Variants in SHISA9 observed in about 807,000 individuals in gnomAD.
SHISA9 encodes shisa family member 9.
A neutral mutation model predicts 38.0 loss-of-function variants in SHISA9; 13 were observed. The ratio of observed to expected loss-of-function variants is 0.34; its 90% CI spans 0.22 to 0.54. The LOEUF is 0.54. Among genes scored for constraint, SHISA9 ranks in the 20% least tolerant of loss-of-function variants. The pLI, the probability that SHISA9 is intolerant of heterozygous loss-of-function variation, is 0.91. For missense variants in SHISA9, 538 were observed against 575.8 expected (o/e 0.93, Z 0.67); for synonymous variants, 275 against 242.0 (o/e 1.14, Z -1.27).
intron 2 of SHISA9, among the ~76,000 whole-genome samples, chr16:13,041,218 A>G (rs760674420): frequency 1.1e-4 from 17 of 152,156 alleles, no homozygotes; most frequent in Non-Finnish European, 2.4e-4. Context: ...GGCCCCCACA[A>G]ATAAATTTTG....
At chr16:13,496,611 C>T in the SHISA9 span, among the ~76,000 whole-genome samples, 8 of 151,678 alleles carry the variant, frequency 5.3e-5, no homozygotes, top group African/African-American at 1.7e-4. Flanking sequence ...CCATAAGATA[C>T]GATTGCTTAC....
chr16:13,261,645 C>T, the SHISA9 span, among the ~76,000 whole-genome samples: 1 of 152,182 alleles, frequency 6.6e-6, no homozygotes, highest in Admixed American at 6.5e-5. Flanking sequence ...AATCCAGACC[C>T]ACTGTTTACA....
At chr16:13,265,096 C>A in the SHISA9 span, among the ~76,000 whole-genome samples, 1 of 110,772 alleles carries the variant, frequency 9.0e-6, no homozygotes, top group Non-Finnish European at 1.9e-5. Flanking sequence ...TTTCCCCTCT[C>A]CTCCCTTCCC....
intron 2 of SHISA9, among the ~76,000 whole-genome samples, chr16:12,920,531 G>A (rs2071314453): frequency 6.6e-6 from 1 of 152,170 alleles, no homozygotes; most frequent in Non-Finnish European, 1.5e-5. Flanking sequence ...AAGGATAGAT[G>A]CTTGAGGGGA....
the SHISA9 span, among the ~76,000 whole-genome samples, chr16:13,343,067 T>G: frequency 2.6e-5 from 4 of 152,250 alleles, no homozygotes; most frequent in East Asian, 1.9e-4. Flanking sequence ...AAGCACTCAA[T>G]GCATATTAAC....
chr16:13,230,236 C>T (rs1016423586), intron 4 of SHISA9, among the ~76,000 whole-genome samples: 7 of 152,130 alleles, frequency 4.6e-5, no homozygotes, highest in African/African-American at 1.7e-4. Flanking sequence ...TTCAAGTGTC[C>T]AGTACATGGT....
chr16:13,077,025 A>G (rs902475539), intron 2 of SHISA9, among the ~76,000 whole-genome samples: 1 of 152,196 alleles, frequency 6.6e-6, no homozygotes, highest in Admixed American at 6.5e-5. Context: ...CGGAGGCTGG[A>G]GAGAGCAAAA....
At chr16:13,548,631 G>A in the SHISA9 span, among the ~76,000 whole-genome samples, 15 of 152,108 alleles carry the variant, frequency 9.9e-5, no homozygotes, top group Admixed American at 9.8e-4. Flanking sequence ...TTAATTATCA[G>A]GGAAATGCAA....
intron 3 of SHISA9, among the ~76,000 whole-genome samples, chr16:13,210,930 TGGGGAAGCCTATCCCCTGCTCTTCTG>T (rs1405872600): frequency 1.3e-5 from 2 of 152,200 alleles, no homozygotes; most frequent in African/African-American, 2.4e-5. Flanking sequence ...AAAGAAAAGC[TGGGGAAGCCTATCCCCTGCTCTTCTG>T]GGGGAAGGAG....
At chr16:13,383,014 A>G in the SHISA9 span, among the ~76,000 whole-genome samples, 1 of 152,216 alleles carries the variant, frequency 6.6e-6, no homozygotes, top group Non-Finnish European at 1.5e-5. Flanking sequence ...CGTGTCAGGC[A>G]CTATTCTAGG....
chr16:13,554,617 G>A, the SHISA9 span, among the ~76,000 whole-genome samples: 2 of 150,616 alleles, frequency 1.3e-5, no homozygotes, highest in African/African-American at 2.4e-5. Context: ...TCAGCCTCCC[G>A]AGTAGCTGGG....
chr16:13,376,839 C>T, the SHISA9 span, among the ~76,000 whole-genome samples: 1 of 152,042 alleles, frequency 6.6e-6, no homozygotes, highest in South Asian at 2.1e-4. Context: ...AGGTGCACAC[C>T]ACTATGCCCA....
chr16:13,137,344 A>G (rs1055429953), intron 2 of SHISA9, among the ~76,000 whole-genome samples: 4 of 152,304 alleles, frequency 2.6e-5, no homozygotes, highest in East Asian at 3.9e-4. Flanking sequence ...AGTGACCCCC[A>G]AGTTGAGATA....
At chr16:13,407,511 G>T in the SHISA9 span, among the ~76,000 whole-genome samples, 1 of 152,282 alleles carries the variant, frequency 6.6e-6, no homozygotes, top group Non-Finnish European at 1.5e-5. Context: ...TATCTATTTT[G>T]AGGGGGACAC....
At position 13,184,278 on chromosome 16, in the gene SHISA9, C is replaced by T. The variant is rs572194552; in HGVS notation, c.692-19116C>T. 3.3e-5 allele frequency among the ~76,000 whole-genome samples: 5 copies of T among 152,258 alleles called. No homozygotes were observed. The East Asian group carries it at 7.7e-4, about 24-fold the overall frequency. On this transcript the variant is annotated intron_variant, in intron 2 of 4. Transcript: ENST00000558583. ...TGCTTTTGTTTCCAGACTCTATCACCGCTGGGATGTTTGAGCCTATCTTCT... is the reference window on the plus strand; with the variant it reads ...TGCTTTTGTTTCCAGACTCTATCACTGCTGGGATGTTTGAGCCTATCTTCT...
the SHISA9 span, among the ~76,000 whole-genome samples, chr16:13,321,259 G>A: frequency 1.1e-3 from 172 of 152,334 alleles, 3 homozygotes; most frequent in African/African-American, 3.9e-3. Flanking sequence ...TGTGAGGTCA[G>A]AGATCATGTC....
the SHISA9 span, among the ~76,000 whole-genome samples, chr16:13,351,097 C>T: frequency 6.0e-3 from 919 of 152,270 alleles, 7 homozygotes; most frequent in African/African-American, 0.018. Flanking sequence ...TCAAAACAAT[C>T]CCCATCATAC....
At chr16:13,498,769 T>C in the SHISA9 span, among the ~76,000 whole-genome samples, 1 of 151,338 alleles carries the variant, frequency 6.6e-6, no homozygotes, top group Non-Finnish European at 1.5e-5. Context: ...AAAAAGAAAA[T>C]AAAAGAAAAG....
At chr16:13,476,898 A>G in the SHISA9 span, among the ~76,000 whole-genome samples, 31 of 151,262 alleles carry the variant, frequency 2.0e-4, no homozygotes, top group Admixed American at 1.6e-3. Context: ...ACAGGCGCCC[A>G]CCACCACACC....
Sources: allele counts gnomAD v4.1 joint callset (sites outside exome capture counted in the v4.1 genomes callset), GRCh38; gene constraint gnomAD v4.1.1; transcripts MANE v1.5; gene names NCBI Gene and HGNC (gene_info 2026-07-23, HGNC 2026-07-21).